PALMD: variants seen among roughly 807,000 people sequenced by gnomAD.
The protein encoded by PALMD is paralemmin-like protein.
PALMD carries 42 observed loss-of-function variants against 56.2 expected under a neutral mutation model. The observed-to-expected ratio is 0.75, with a 90% CI of 0.58 to 0.97. The LOEUF (loss-of-function observed/expected upper bound fraction) is 0.97, where lower values mean the gene tolerates loss of function less well. Ranked by LOEUF, PALMD falls within the 50% of genes least tolerant of loss-of-function variation. The pLI is 0.00. For synonymous variants in PALMD, 242 were observed against 222.9 expected (o/e 1.09, Z -0.76); for missense variants, 660 against 643.8 (o/e 1.03, Z -0.27).
In PALMD at chr1:99,683,015, AGAAG is replaced by A. The variant is rs1374553971; in HGVS notation, c.252-3657_252-3654del. ...AGCAAGACTCTGTCTCCAAAAAGAA[AGAAG>A]GAAAGAAAGAAAGAAAGAAAGAAAG... is the stretch of plus-strand genomic sequence containing the variant. On this transcript the variant is annotated intron_variant, in intron 3 of 7. Coordinates refer to ENST00000263174, the MANE Select transcript of PALMD (RefSeq NM_017734.5). Among the ~76,000 whole-genome samples, 150 of 68,758 alleles carry A rather than the reference AGAAG, an allele frequency of 2.2e-3. 5 individuals carry two copies. In the Middle Eastern group the frequency reaches 0.022, roughly 10 times the overall value. The allele number at this position is 68,758 out of a possible 152,430, so 45.1% of individuals were successfully genotyped here.
chr1:99,667,939 C>T, intron 3 of PALMD, 173 bp downstream of exon 3: 2 of 574,570 alleles, frequency 3.5e-6, no homozygotes, highest in Admixed American at 6.0e-5. Context: ...AGTGCAGTGA[C>T]ATGATCTCGG....
intron 3 of PALMD, among the ~76,000 whole-genome samples, chr1:99,678,077 C>T (rs1653253394): frequency 1.3e-5 from 2 of 150,834 alleles, no homozygotes; most frequent in Admixed American, 6.6e-5. Context: ...CTCTCTCAAG[C>T]AAACTAAGAA....
Position 99,653,036 on chromosome 1 carries a change from C to G in PALMD, c.45+6674C>G, listed in dbSNP as rs371349568. 1.9e-4 allele frequency among the ~76,000 whole-genome samples: 29 copies of G among 152,266 alleles called. 1 individual carries two copies. The highest frequency in any genetic ancestry group is 6.7e-4 in the African/African-American group (28 of 41,566). On this transcript the variant is annotated intron_variant, in intron 1 of 7. Coordinates refer to ENST00000263174, the MANE Select transcript of PALMD (RefSeq NM_017734.5). ...TCAGGCCCCTTTTTCCTCTGCCTTC[C>G]TCCCCATCCCACTTCCTTTACGTAG...
chr1:99,677,803 G>A (rs941953328), intron 3 of PALMD, among the ~76,000 whole-genome samples: 1 of 152,160 alleles, frequency 6.6e-6, no homozygotes, highest in Non-Finnish European at 1.5e-5. Context: ...GGGGTGTGGA[G>A]AGAGGAAACG....
chr1:99,670,190 C>T (rs1056140812), intron 3 of PALMD, among the ~76,000 whole-genome samples: 3 of 152,188 alleles, frequency 2.0e-5, no homozygotes, highest in African/African-American at 7.2e-5. Flanking sequence ...ATTACTGATT[C>T]CATGTTTGTT....
At chr1:99,678,207 G>T (rs891942174) in intron 3 of PALMD, among the ~76,000 whole-genome samples, 1 of 151,532 alleles carries the variant, frequency 6.6e-6, no homozygotes, top group South Asian at 2.1e-4. Flanking sequence ...AGATTCAAGC[G>T]ATTCTCCTGA....
intron 3 of PALMD, among the ~76,000 whole-genome samples, chr1:99,677,823 C>T (rs1160650115): frequency 2.0e-5 from 3 of 151,972 alleles, no homozygotes; most frequent in African/African-American, 7.2e-5. Context: ...GACAGGTTGT[C>T]AAAAAAGACT....
intron 3 of PALMD, chr1:99,685,250 A>G (rs1275926014): frequency 6.6e-6 from 1 of 152,170 alleles, no homozygotes; most frequent in East Asian, 1.9e-4. Flanking sequence ...AGGTTAGGGG[A>G]ACTGGCTTTC....
chr1:99,652,601 C>CAGAAA lies in PALMD; in HGVS notation c.45+6253_45+6257dup, dbSNP rs374940454. Among the ~76,000 whole-genome samples the CAGAAA allele has an allele frequency of 6.3e-4, 87 of 137,828 alleles. 2 individuals are homozygous for CAGAAA. The highest frequency in any genetic ancestry group is 4.9e-3 in the Middle Eastern group (1 of 206). 90.4% of individuals were successfully genotyped at this position (137,828 alleles called of 152,430 possible). Reference sequence around the variant, plus strand: ...CCTGGGTAACAGAGTGAGACTCCGTCAGAAAAGAAAAGAAAAGACAGAAAA... The same window carrying CAGAAA: ...CCTGGGTAACAGAGTGAGACTCCGTCAGAAAAGAAAAGAAAAGAAAAGACAGAAAA... On this transcript the variant is annotated intron_variant, in intron 1 of 7. Transcript: ENST00000263174.
At chr1:99,680,840 G>GTA (rs1348236778) in intron 3 of PALMD, among the ~76,000 whole-genome samples, 2 of 151,458 alleles carry the variant, frequency 1.3e-5, no homozygotes, top group Non-Finnish European at 2.9e-5. Context: ...GTATATGTGT[G>GTA]TATATATATG....
Position 99,682,265 on chromosome 1 carries a change from C to CATCTCCTG in PALMD, c.252-4410_252-4403dup, listed in dbSNP as rs1192429030. On this transcript the variant is annotated intron_variant, in intron 3 of 7. Coordinates refer to ENST00000263174, the MANE Select transcript of PALMD (RefSeq NM_017734.5). Reference sequence around the variant, plus strand: ...TTAGGAAATGTTCTACATCAGTAGGCATCTCCTGTTAGAGGTTTGTGATTC... The same window carrying CATCTCCTG: ...TTAGGAAATGTTCTACATCAGTAGGCATCTCCTGATCTCCTGTTAGAGGTTTGTGATTC... Among the ~76,000 whole-genome samples, 9 of 152,308 alleles carry CATCTCCTG rather than the reference C, an allele frequency of 5.9e-5. No homozygotes were observed. The South Asian group carries it at 1.9e-3, about 32-fold the overall frequency.
Position 99,686,797 on chromosome 1 carries a change from A to C in PALMD, c.366+7A>C, listed in dbSNP as rs763160528. Reference sequence around the variant, plus strand: ...AACAGAAGACATTATAAGAGTGAGCATTAACCAATTTTAAAACTGTAATTC... The same window carrying C: ...AACAGAAGACATTATAAGAGTGAGCCTTAACCAATTTTAAAACTGTAATTC... On this transcript the variant is annotated splice_region_variant and intron_variant, in intron 4 of 7. Transcript: ENST00000263174. The C allele has an allele frequency of 1.4e-6, 2 of 1,476,268 alleles. No individual in the cohort carries two copies. Among genetic ancestry groups the C allele is most frequent in the Non-Finnish European group, 1.9e-6 (2 of 1,064,174 alleles). 91.4% of individuals were successfully genotyped at this position (1,476,268 alleles called of 1,614,324 possible). A position where few individuals can be genotyped will look rare whatever the true frequency, so the allele number is the denominator to read the frequency against.
At chr1:99,660,547 A>G (rs528499344) in intron 1 of PALMD, among the ~76,000 whole-genome samples, 2 of 152,302 alleles carry the variant, frequency 1.3e-5, no homozygotes, top group East Asian at 3.9e-4. Flanking sequence ...TGAAGAATTG[A>G]CTCACAGAGG....
chr1:99,679,239 C>A (rs1268725117), intron 3 of PALMD, among the ~76,000 whole-genome samples: 1 of 152,192 alleles, frequency 6.6e-6, no homozygotes, highest in Non-Finnish European at 1.5e-5. Flanking sequence ...TCATACCTAG[C>A]ATTGGTAGTT....
intron 3 of PALMD, among the ~76,000 whole-genome samples, chr1:99,676,375 C>T (rs1303803254): frequency 6.6e-6 from 1 of 152,102 alleles, no homozygotes; most frequent in Non-Finnish European, 1.5e-5. Flanking sequence ...TATTCTTCAT[C>T]TTTTTTGATA....
rs834983 is a variant in PALMD, at chr1:99,660,878, A to G, written c.46-1441A>G. 4.4e-3 allele frequency among the ~76,000 whole-genome samples: 670 copies of G among 152,292 alleles called. 5 individuals are homozygous for G. Among genetic ancestry groups the G allele is most frequent in the African/African-American group, 0.015 (637 of 41,568 alleles). On this transcript the variant is annotated intron_variant, in intron 1 of 7. Coordinates refer to ENST00000263174, the MANE Select transcript of PALMD (RefSeq NM_017734.5). ...TCCAGCCTGGGCAACAAACAACAGAATAAGACCTTATCTCAATAATAAAAA... is the reference window on the plus strand; with the variant it reads ...TCCAGCCTGGGCAACAAACAACAGAGTAAGACCTTATCTCAATAATAAAAA...
chr1:99,668,303 A>C (rs1653012062), intron 3 of PALMD: 1 of 153,038 alleles, frequency 6.5e-6, no homozygotes, highest in Non-Finnish European at 1.5e-5. Context: ...GTATCACCTG[A>C]GTATAGCAAC....
In PALMD at chr1:99,686,635, T is replaced by C; in HGVS notation, c.252-41T>C. On this transcript the variant is annotated intron_variant, in intron 3 of 7. Coordinates refer to ENST00000263174, the MANE Select transcript of PALMD (RefSeq NM_017734.5). ...GACATATTTGAGAACTCCGCATTTG[T>C]ACTGTGTTAAGCAATAAAAAGTATA... is the stretch of plus-strand genomic sequence containing the variant. 2 of 1,002,236 alleles carry C rather than the reference T, an allele frequency of 2.0e-6. 1 individual carries two copies. The highest frequency in any genetic ancestry group is 2.9e-5 in the South Asian group (2 of 69,362). The allele number at this position is 1,002,236 out of a possible 1,614,324, so 62.1% of individuals were successfully genotyped here.
chr1:99,678,112 ATTT>A (rs749171548), intron 3 of PALMD, among the ~76,000 whole-genome samples: 6 of 137,388 alleles, frequency 4.4e-5, no homozygotes, highest in African/African-American at 1.3e-4. Flanking sequence ...GTCCTTTTCT[ATTT>A]TTTTTTTTTT....
Sources: allele counts gnomAD v4.1 joint callset (sites outside exome capture counted in the v4.1 genomes callset), GRCh38; gene constraint gnomAD v4.1.1; transcripts MANE v1.5; gene names NCBI Gene and HGNC (gene_info 2026-07-23, HGNC 2026-07-21).